MAP2K5: variants seen among roughly 807,000 people sequenced by gnomAD.
MAP2K5 encodes dual specificity mitogen-activated protein kinase kinase 5.
MAP2K5 carries 49 observed loss-of-function variants against 83.1 expected under a neutral mutation model. The observed-to-expected ratio is 0.59, with a 90% CI of 0.47 to 0.75. The LOEUF (loss-of-function observed/expected upper bound fraction) is 0.75. Among genes scored for constraint, MAP2K5 ranks in the 30% least tolerant of loss-of-function variants. The pLI is 0.00. For synonymous variants in MAP2K5, 202 were observed against 191.8 expected (o/e 1.05, Z -0.44); for missense variants, 457 against 557.5 (o/e 0.82, Z 1.82).
chr15:67,755,439 A>T lies in MAP2K5; in HGVS notation c.1134+6838A>T, dbSNP rs571990769. ...TAGTCTGCCTGACTCACATAGGTAG[A>T]AGTGTCTAGCTATGTGGTTAACCTC... On this transcript the variant is annotated intron_variant, in intron 19 of 21. Transcript: ENST00000178640. The surrounding 1 kb of genome is among the most constrained non-coding windows in gnomAD (Gnocchi z 4.7). Among the ~76,000 whole-genome samples the T allele has an allele frequency of 9.2e-5, 14 of 152,252 alleles. No individual in the cohort carries two copies. Among genetic ancestry groups the T allele is most frequent in the African/African-American group, 3.1e-4 (13 of 41,562 alleles).
At position 67,600,726 on chromosome 15, in the gene MAP2K5, T is replaced by C. The variant is rs144101603; in HGVS notation, c.522T>C (p.His174=). ...QDIRYRDTLG[H]GNGGTVYKAY... ...TACGATATCGGGACACTCTTGGTCA[T>C]GGCAACGGAGGCACAGTCTACAAGT... Residue 174 remains histidine (H), a synonymous_variant, in exon 8 of 22, where the codon CAT becomes CAC. Coordinates refer to ENST00000178640, the MANE Select transcript of MAP2K5 (RefSeq NM_145160.3). The C allele has an allele frequency of 6.2e-7, 1 of 1,608,806 alleles. No individual in the cohort carries two copies. The highest frequency in any genetic ancestry group is 8.5e-7 in the Non-Finnish European group (1 of 1,178,520).
intron 13 of MAP2K5, among the ~76,000 whole-genome samples, chr15:67,669,714 G>T (rs769998859): frequency 6.6e-6 from 1 of 152,070 alleles, no homozygotes; most frequent in African/African-American, 2.4e-5. Flanking sequence ...AGAGAAAGGC[G>T]TCAAGGTTGC....
intron 8 of MAP2K5, among the ~76,000 whole-genome samples, chr15:67,612,122 A>T (rs374342399): frequency 7.6e-6 from 1 of 131,918 alleles, no homozygotes; most frequent in East Asian, 2.1e-4. Flanking sequence ...TTAGTTTATG[A>T]GTGTATTTAA....
chr15:67,773,082 A>G (rs546688574), intron 21 of MAP2K5, among the ~76,000 whole-genome samples: 1 of 152,298 alleles, frequency 6.6e-6, no homozygotes, highest in African/African-American at 2.4e-5. Context: ...CATCAGTGCA[A>G]TAAGTTTTTA....
intron 6 of MAP2K5, among the ~76,000 whole-genome samples, chr15:67,592,550 A>G (rs2085437259): frequency 6.6e-6 from 1 of 152,204 alleles, no homozygotes; most frequent in Non-Finnish European, 1.5e-5. Context: ...TTGAAGTTCT[A>G]TAATCTTTAT....
intron 13 of MAP2K5, among the ~76,000 whole-genome samples, chr15:67,682,514 C>T (rs73425906): frequency 0.17 from 25,830 of 150,392 alleles, 2,835 homozygotes; most frequent in African/African-American, 0.31. Flanking sequence ...TGAGCCACTG[C>T]GCCTGGCCCC....
At chr15:67,625,542 A>G (rs188234811) in intron 8 of MAP2K5, among the ~76,000 whole-genome samples, 231 of 152,346 alleles carry the variant, frequency 1.5e-3, no homozygotes, top group Non-Finnish European at 2.3e-3. Context: ...TTCAAACTTC[A>G]TTAATCACTT....
intron 6 of MAP2K5, among the ~76,000 whole-genome samples, chr15:67,590,864 CATATGCCA>C (rs948268306): frequency 1.1e-4 from 17 of 152,152 alleles, no homozygotes; most frequent in African/African-American, 3.6e-4. Context: ...GAACCCTTAG[CATATGCCA>C]AGTCATTGGG....
In MAP2K5 at chr15:67,748,278, A is replaced by G. The variant is rs1255843905; in HGVS notation, c.1101+21A>G. 1 of 1,595,032 alleles carries G rather than the reference A, an allele frequency of 6.3e-7. No individual in the cohort carries two copies. The highest frequency in any genetic ancestry group is 2.2e-5 in the East Asian group (1 of 44,656). On this transcript the variant is annotated intron_variant, in intron 18 of 21. Transcript: ENST00000178640. This position sits in a 1 kb window ranked among gnomAD's most constrained non-coding sequence, Gnocchi z 4.0. Reference sequence around the variant, plus strand: ...TAATGGTAAGCTTTATGAGTTCAGAAAAAAATTCACTTTTCTTTTTCCTGA... The same window carrying G: ...TAATGGTAAGCTTTATGAGTTCAGAGAAAAATTCACTTTTCTTTTTCCTGA...
In MAP2K5 at chr15:67,736,622, T is replaced by C. The variant is rs2089346792; in HGVS notation, c.1074+8677T>C. On this transcript the variant is annotated intron_variant, in intron 17 of 21. Coordinates refer to ENST00000178640, the MANE Select transcript of MAP2K5 (RefSeq NM_145160.3). The surrounding 1 kb of genome is among the most constrained non-coding windows in gnomAD (Gnocchi z 4.3). ...TCTTTTTTGAGTTATAATTTATCATTCACAATCACCATATAATATATAGAA... is the reference window on the plus strand; with the variant it reads ...TCTTTTTTGAGTTATAATTTATCATCCACAATCACCATATAATATATAGAA... 6.6e-6 allele frequency among the ~76,000 whole-genome samples: 1 copy of C among 152,210 alleles called. No homozygotes were observed. Among genetic ancestry groups the C allele is most frequent in the Admixed American group, 6.5e-5 (1 of 15,280 alleles).
At chr15:67,721,496 A>C (rs1323341875) in intron 16 of MAP2K5, among the ~76,000 whole-genome samples, 3 of 152,272 alleles carry the variant, frequency 2.0e-5, no homozygotes, top group African/African-American at 7.2e-5. Context: ...TCGTATAGGC[A>C]TAATGAGTTA....
At chr15:67,713,029 G>C (rs2088732332) in intron 16 of MAP2K5, among the ~76,000 whole-genome samples, 1 of 152,002 alleles carries the variant, frequency 6.6e-6, no homozygotes, top group Non-Finnish European at 1.5e-5. Context: ...GGAAACAAAG[G>C]GGAAGAAATC....
intron 16 of MAP2K5, among the ~76,000 whole-genome samples, chr15:67,710,055 T>C (rs1432881118): frequency 2.0e-5 from 3 of 152,104 alleles, no homozygotes; most frequent in Admixed American, 6.5e-5. Flanking sequence ...AGAGGCAGAG[T>C]CTTGCTAGGT....
Position 67,687,276 on chromosome 15 carries a change from A to C in MAP2K5, c.848-5203A>C, listed in dbSNP as rs73425917. Among the ~76,000 whole-genome samples, 493 of 152,350 alleles carry C rather than the reference A, an allele frequency of 3.2e-3. 4 individuals are homozygous for C. Among genetic ancestry groups the C allele is most frequent in the African/African-American group, 0.012 (484 of 41,588 alleles). On this transcript the variant is annotated intron_variant, in intron 13 of 21. Coordinates refer to ENST00000178640, the MANE Select transcript of MAP2K5 (RefSeq NM_145160.3). Reference sequence around the variant, plus strand: ...GCTGTATTGGATTGGTTTCTGGTTCAATAAGTCTGGAGTAGAACACAAAAA... The same window carrying C: ...GCTGTATTGGATTGGTTTCTGGTTCCATAAGTCTGGAGTAGAACACAAAAA...
chr15:67,547,128 T>C (rs1567264011), intron 1 of MAP2K5, among the ~76,000 whole-genome samples: 1 of 136,878 alleles, frequency 7.3e-6, no homozygotes, highest in Non-Finnish European at 1.6e-5. Flanking sequence ...CTAAACTGAG[T>C]CTGTGATTTT....
chr15:67,692,677 A>G (rs1309989485), intron 14 of MAP2K5, 125 bp downstream of exon 14: 1 of 660,840 alleles, frequency 1.5e-6, no homozygotes, highest in African/African-American at 1.8e-5. Context: ...TCTTTTCCTC[A>G]TCTGGGAGTG....
At position 67,747,200 on chromosome 15, in the gene MAP2K5, T is replaced by A. The variant is rs1364413270; in HGVS notation, c.1075-1031T>A. Among the ~76,000 whole-genome samples the A allele has an allele frequency of 6.6e-6, 1 of 152,182 alleles. No individual in the cohort carries two copies. Among genetic ancestry groups the A allele is most frequent in the Non-Finnish European group, 1.5e-5 (1 of 68,034 alleles). ...TCATCCCTGCCAAACTCAGGGTGGT[T>A]GTACAGATCAAATGAGTTTGTATAT... On this transcript the variant is annotated intron_variant, in intron 17 of 21. Coordinates refer to ENST00000178640, the MANE Select transcript of MAP2K5 (RefSeq NM_145160.3). This position sits in a 1 kb window ranked among gnomAD's most constrained non-coding sequence, Gnocchi z 4.1.
At chr15:67,622,329 G>A (rs1028128565) in intron 8 of MAP2K5, among the ~76,000 whole-genome samples, 16 of 152,116 alleles carry the variant, frequency 1.1e-4, no homozygotes, top group Admixed American at 7.9e-4. Flanking sequence ...GCAGGAGCAC[G>A]TTTGATGGAA....
intron 8 of MAP2K5, 87 bp downstream of exon 8, chr15:67,600,836 C>T (rs2085643829): frequency 5.6e-6 from 5 of 888,688 alleles, no homozygotes; most frequent in Non-Finnish European, 8.8e-6. Context: ...TTTTAAATGA[C>T]CACTAACACT....
Sources: gnomAD v4.1 joint callset for allele counts (sites outside exome capture counted in the v4.1 genomes callset) on GRCh38, gnomAD v4.1.1 for gene constraint, Gnocchi (gnomAD v3.1) non-coding constraint, MANE v1.5 for transcripts, NCBI Gene and HGNC (gene_info 2026-07-23, HGNC 2026-07-21) for gene names.